NAALADL2: variants seen among roughly 807,000 people sequenced by gnomAD.
NAALADL2 encodes N-acetylated alpha-linked acidic dipeptidase like 2.
A neutral mutation model predicts 87.2 loss-of-function variants in NAALADL2; 76 were observed. The ratio of observed to expected loss-of-function variants is 0.87; its 90% CI spans 0.72 to 1.05. The LOEUF (loss-of-function observed/expected upper bound fraction) is 1.05. Ranked by LOEUF, NAALADL2 falls within the 50% of genes least tolerant of loss-of-function variation. The probability of loss-of-function intolerance (pLI) is 0.00; values close to 1 mark genes in which losing one functional copy is unlikely to be tolerated. For synonymous variants in NAALADL2, 354 were observed against 331.0 expected (o/e 1.07, Z -0.75); for missense variants, 1,089 against 945.8 (o/e 1.15, Z -1.99).
intron 1 of NAALADL2, among the ~76,000 whole-genome samples, chr3:175,003,236 G>A (rs1484803611): frequency 6.6e-6 from 1 of 152,136 alleles, no homozygotes; most frequent in African/African-American, 2.4e-5. Context: ...AGTAGATCTA[G>A]GTTGGGCACT....
intron 1 of NAALADL2, among the ~76,000 whole-genome samples, chr3:174,937,604 G>A (rs1170693966): frequency 6.6e-6 from 1 of 151,982 alleles, no homozygotes; most frequent in Non-Finnish European, 1.5e-5. Flanking sequence ...TTGTTAGCTG[G>A]AATAAAGAGC....
At chr3:174,830,589 G>T (rs372703687) in intron 3 of NAALADL2, among the ~76,000 whole-genome samples, 1 of 151,688 alleles carries the variant, frequency 6.6e-6, no homozygotes, top group African/African-American at 2.4e-5. Context: ...TTGACTTGGC[G>T]ATGCGGGCTC....
intron 1 of NAALADL2, among the ~76,000 whole-genome samples, chr3:174,477,739 G>T (rs1261067421): frequency 6.6e-6 from 1 of 152,170 alleles, no homozygotes; most frequent in Non-Finnish European, 1.5e-5. Flanking sequence ...CCCACACATA[G>T]ATTTCCTCTG....
At chr3:174,747,621 C>CAA (rs150843588) in intron 3 of NAALADL2, among the ~76,000 whole-genome samples, 870 of 37,800 alleles carry the variant, frequency 0.023, 29 homozygotes, top group African/African-American at 0.045. Context: ...GACCCCATCT[C>CAA]AAAAAAAAAA....
At chr3:175,708,009 A>G (rs908873681) in intron 11 of NAALADL2, among the ~76,000 whole-genome samples, 9 of 152,090 alleles carry the variant, frequency 5.9e-5, no homozygotes, top group Non-Finnish European at 1.2e-4. Context: ...TGGGGGAAAA[A>G]AAAACAAACA....
At chr3:175,194,180 T>G (rs898227631) in intron 2 of NAALADL2, among the ~76,000 whole-genome samples, 2 of 151,920 alleles carry the variant, frequency 1.3e-5, no homozygotes, top group South Asian at 4.1e-4. Flanking sequence ...TGCTATCATT[T>G]TCAAACTAAG....
At chr3:174,794,405 T>C (rs1717822693) in intron 3 of NAALADL2, among the ~76,000 whole-genome samples, 1 of 152,150 alleles carries the variant, frequency 6.6e-6, no homozygotes, top group African/African-American at 2.4e-5. Flanking sequence ...ATCCTTTACA[T>C]TCTAGGCGTA....
exon 1 of NAALADL2, chr3:174,441,008 A>G (rs1383274210): frequency 6.6e-6 from 1 of 152,060 alleles, no homozygotes; most frequent in Non-Finnish European, 1.5e-5. Flanking sequence ...CGTACCGCAG[A>G]CGAGCCCGCG....
chr3:175,396,606 G>T lies in NAALADL2; in HGVS notation c.1091-50623G>T, dbSNP rs529012153. The stretch of plus-strand genomic sequence containing the variant: ...TGCACTAGAGACGCCAGAAATCTAG[G>T]TCTTTGGTTATACTTACTGACATGG... On this transcript the variant is annotated intron_variant, in intron 5 of 13. Coordinates refer to ENST00000454872, the MANE Select transcript of NAALADL2 (RefSeq NM_207015.3). Among the ~76,000 whole-genome samples the T allele has an allele frequency of 2.2e-4, 33 of 152,128 alleles. No individual in the cohort carries two copies. The South Asian group carries it at 6.2e-3, about 29-fold the overall frequency.
chr3:175,352,669 G>A (rs1271116263), intron 5 of NAALADL2, among the ~76,000 whole-genome samples: 1 of 152,122 alleles, frequency 6.6e-6, no homozygotes, highest in Non-Finnish European at 1.5e-5. Flanking sequence ...TTTAACAAAG[G>A]TGTGAAGCTC....
intron 11 of NAALADL2, among the ~76,000 whole-genome samples, chr3:175,699,090 A>G (rs1007998736): frequency 2.0e-5 from 3 of 151,946 alleles, no homozygotes; most frequent in African/African-American, 7.2e-5. Context: ...TAAAAATAAT[A>G]TATTTCTAAC....
At chr3:175,225,623 T>C (rs769407922) in intron 2 of NAALADL2, among the ~76,000 whole-genome samples, 1 of 152,246 alleles carries the variant, frequency 6.6e-6, no homozygotes, top group Non-Finnish European at 1.5e-5. Flanking sequence ...GTCATTTCTA[T>C]TACAATCTTA....
intron 5 of NAALADL2, among the ~76,000 whole-genome samples, chr3:175,356,155 G>T (rs540359498): frequency 6.6e-6 from 1 of 152,104 alleles, no homozygotes; most frequent in Non-Finnish European, 1.5e-5. Context: ...CAAGCCGGGG[G>T]TAAGAGGAGT....
intron 5 of NAALADL2, among the ~76,000 whole-genome samples, chr3:175,441,392 A>G (rs1719731768): frequency 6.6e-6 from 1 of 152,180 alleles, no homozygotes; most frequent in Non-Finnish European, 1.5e-5. Flanking sequence ...GGACTCGAGC[A>G]TATGCAGAAT....
At chr3:174,953,828 A>G (rs1740775139) in intron 1 of NAALADL2, among the ~76,000 whole-genome samples, 1 of 152,040 alleles carries the variant, frequency 6.6e-6, no homozygotes, top group Non-Finnish European at 1.5e-5. Context: ...CATGGAATTA[A>G]TCACTTTTTA....
At chr3:175,316,458 G>A (rs1759152056) in intron 4 of NAALADL2, among the ~76,000 whole-genome samples, 1 of 152,140 alleles carries the variant, frequency 6.6e-6, no homozygotes, top group Non-Finnish European at 1.5e-5. Flanking sequence ...ATCACATATA[G>A]TTATTTGAGA....
At chr3:174,891,275 C>T (rs1016825161) in intron 1 of NAALADL2, among the ~76,000 whole-genome samples, 4 of 152,020 alleles carry the variant, frequency 2.6e-5, no homozygotes, top group Non-Finnish European at 5.9e-5. Flanking sequence ...CTCCACCAAT[C>T]ATCATCCCTT....
intron 2 of NAALADL2, among the ~76,000 whole-genome samples, chr3:174,707,584 G>A (rs1354567240): frequency 6.7e-6 from 1 of 148,720 alleles, no homozygotes; most frequent in African/African-American, 2.5e-5. Flanking sequence ...CTCATAGGTG[G>A]GAATTGAACA....
At chr3:175,497,722 C>T (rs766643372) in intron 9 of NAALADL2, among the ~76,000 whole-genome samples, 15 of 151,900 alleles carry the variant, frequency 9.9e-5, no homozygotes, top group Non-Finnish European at 1.8e-4. Context: ...TGATGTTCAA[C>T]TACTATTTTA....
Sources: gnomAD v4.1 joint callset for allele counts (sites outside exome capture counted in the v4.1 genomes callset) on GRCh38, gnomAD v4.1.1 for gene constraint, MANE v1.5 for transcripts, NCBI Gene and HGNC (gene_info 2026-07-23, HGNC 2026-07-21) for gene names.